Variants in EYS observed in about 807,000 individuals in gnomAD.
EYS encodes the protein EGF-like photoreceptor maintenance factor, also known as protein eyes shut homolog.
Under a neutral mutation model 282.1 loss-of-function variants are expected in EYS, and 250 were observed. The observed-to-expected ratio is 0.89, with a 90% confidence interval of 0.80 to 0.98. The LOEUF (loss-of-function observed/expected upper bound fraction) is 0.98, where lower values mean the gene tolerates loss of function less well. EYS is among the 50% of genes least tolerant of loss of function. The pLI is 0.00. For synonymous variants in EYS, 1,355 were observed against 1,282.9 expected, an observed-to-expected ratio of 1.06 and a Z score of -1.20; for missense variants, 4,016 against 3,709.0, an observed-to-expected ratio of 1.08 and a Z score of -2.15.
chr6:65,022,242 G>A (rs1772271884), intron 13 of EYS, among the ~76,000 whole-genome samples: 1 of 152,194 alleles, frequency 6.6e-6, no homozygotes, highest in South Asian at 2.1e-4. Context: ...TGCCTACATA[G>A]TGCTACAGAA....
At chr6:64,445,091 C>A (rs116477479) in intron 26 of EYS, among the ~76,000 whole-genome samples, 3 of 152,132 alleles carry the variant, frequency 2.0e-5, no homozygotes, top group African/African-American at 7.2e-5. Context: ...AATATAATTG[C>A]TTTTGTTTAA....
At chr6:63,730,734 G>A (rs1160116629) in intron 41 of EYS, among the ~76,000 whole-genome samples, 4 of 152,108 alleles carry the variant, frequency 2.6e-5, no homozygotes, top group Non-Finnish European at 4.4e-5. Flanking sequence ...AAATTATTTT[G>A]TTATCGTCTG....
intron 8 of EYS, among the ~76,000 whole-genome samples, chr6:65,368,536 A>T (rs1765008840): frequency 6.6e-6 from 1 of 151,722 alleles, no homozygotes; most frequent in Admixed American, 6.7e-5. Context: ...ATTTTATGGC[A>T]ATAAAACCAC....
intron 2 of EYS, among the ~76,000 whole-genome samples, chr6:65,618,238 C>A (rs570338427): frequency 2.0e-5 from 3 of 152,188 alleles, no homozygotes; most frequent in African/African-American, 7.2e-5. Flanking sequence ...TTTTAATGAT[C>A]GCCATTCTAA....
chr6:64,290,756 AT>A (rs1768675486), intron 30 of EYS, among the ~76,000 whole-genome samples: 1 of 151,764 alleles, frequency 6.6e-6, no homozygotes, highest in Non-Finnish European at 1.5e-5. Flanking sequence ...AGTGGCAATA[AT>A]TTATTTCTCT....
At chr6:65,407,003 C>G (rs1331758735) in intron 5 of EYS, among the ~76,000 whole-genome samples, 3 of 151,914 alleles carry the variant, frequency 2.0e-5, no homozygotes, top group Non-Finnish European at 4.4e-5. Flanking sequence ...TACACAGAAG[C>G]CTGCTGGAAT....
chr6:64,135,351 T>C (rs1384564445), intron 31 of EYS, among the ~76,000 whole-genome samples: 1 of 152,090 alleles, frequency 6.6e-6, no homozygotes, highest in Non-Finnish European at 1.5e-5. Context: ...CTGTAGTGTT[T>C]AGGTATTACA....
At chr6:65,479,142 G>A (rs1232201629) in intron 5 of EYS, among the ~76,000 whole-genome samples, 1 of 150,496 alleles carries the variant, frequency 6.6e-6, no homozygotes, top group Non-Finnish European at 1.5e-5. Context: ...AATAGTGAGA[G>A]GACCACAAAT....
chr6:65,144,559 AT>A (rs1175176847), intron 12 of EYS, among the ~76,000 whole-genome samples: 2 of 152,168 alleles, frequency 1.3e-5, no homozygotes, highest in African/African-American at 4.8e-5. Flanking sequence ...CGCAGGAAAT[AT>A]TTGTGCTTAA....
At chr6:65,526,680 C>A (rs1484409361) in intron 2 of EYS, among the ~76,000 whole-genome samples, 2 of 152,090 alleles carry the variant, frequency 1.3e-5, no homozygotes, top group Non-Finnish European at 2.9e-5. Flanking sequence ...GTGTCGGGCG[C>A]CTGTAGTCCC....
chr6:64,841,792 G>T (rs1397563231), intron 19 of EYS, among the ~76,000 whole-genome samples: 7 of 152,110 alleles, frequency 4.6e-5, no homozygotes, highest in Non-Finnish European at 1.0e-4. Flanking sequence ...AGAAAACTGT[G>T]AATCAGGGAT....
intron 14 of EYS, among the ~76,000 whole-genome samples, chr6:64,964,647 C>A (rs1049624196): frequency 2.0e-5 from 3 of 151,932 alleles, no homozygotes; most frequent in African/African-American, 4.8e-5. Flanking sequence ...TTAGCGGATG[C>A]AAAATAACAT....
chr6:65,384,927 G>T (rs1191889889), intron 7 of EYS, among the ~76,000 whole-genome samples: 1 of 151,872 alleles, frequency 6.6e-6, no homozygotes, highest in African/African-American at 2.4e-5. Context: ...GCCAGTGGAT[G>T]ATAACGGTCT....
intron 28 of EYS, among the ~76,000 whole-genome samples, chr6:64,425,569 G>A (rs970872924): frequency 2.7e-5 from 4 of 149,546 alleles, no homozygotes; most frequent in African/African-American, 7.4e-5. Context: ...CAGGAGAATC[G>A]CTTGAACCTG....
intron 2 of EYS, among the ~76,000 whole-genome samples, chr6:65,496,677 T>A (rs777829749): frequency 2.6e-5 from 4 of 152,174 alleles, no homozygotes; most frequent in Non-Finnish European, 5.9e-5. Context: ...CATATATGAG[T>A]CACTCAATAA....
intron 30 of EYS, among the ~76,000 whole-genome samples, chr6:64,238,746 A>G (rs913062363): frequency 3.9e-5 from 6 of 151,922 alleles, no homozygotes; most frequent in African/African-American, 1.2e-4. Context: ...CAATTCTTGT[A>G]TTCCTTTTAT....
intron 22 of EYS, among the ~76,000 whole-genome samples, chr6:64,773,096 AC>A (rs1773572989): frequency 6.6e-6 from 1 of 151,732 alleles, no homozygotes; most frequent in African/African-American, 2.4e-5. Context: ...TCAGAATAGT[AC>A]TCAATAGGTA....
intron 33 of EYS, among the ~76,000 whole-genome samples, chr6:64,028,383 C>G (rs1769640668): frequency 6.6e-6 from 1 of 152,242 alleles, no homozygotes; most frequent in South Asian, 2.1e-4. Flanking sequence ...ATGCAGCAGT[C>G]CCTGCAACAC....
chr6:64,071,092 A>C (rs1771558123), intron 32 of EYS, among the ~76,000 whole-genome samples: 1 of 152,082 alleles, frequency 6.6e-6, no homozygotes, highest in African/African-American at 2.4e-5. Context: ...TTAACAATTC[A>C]GCAAGACTAT....
Sources: gnomAD v4.1 joint callset for allele counts (sites outside exome capture counted in the v4.1 genomes callset) on GRCh38, gnomAD v4.1.1 for gene constraint, MANE v1.5 for transcripts, NCBI Gene and HGNC (gene_info 2026-07-23, HGNC 2026-07-21) for gene names.